SYT1: variants seen among roughly 807,000 people sequenced by gnomAD.
SYT1 encodes synaptotagmin-1.
In SYT1, 8 loss-of-function variants were observed where a neutral mutation model predicts 44.8. The ratio of observed to expected loss-of-function variants is 0.18; its 90% CI spans 0.10 to 0.32. SYT1 has a LOEUF of 0.32. Ranked by LOEUF, SYT1 falls within the 10% of genes least tolerant of loss-of-function variation. SYT1 has a pLI of 1.00. For missense variants in SYT1, 286 were observed against 509.3 expected (o/e 0.56, Z 4.22); for synonymous variants, 154 against 188.8 (o/e 0.82, Z 1.51).
At chr12:79,341,418 G>C (rs1438273147) in intron 8 of SYT1, 1 of 152,014 alleles carries the variant, frequency 6.6e-6, no homozygotes, top group Non-Finnish European at 1.5e-5. Context: ...CACTATCACA[G>C]ACATAGAAAA....
At chr12:79,151,802 A>G (rs1023518866) in intron 3 of SYT1, among the ~76,000 whole-genome samples, 11 of 152,212 alleles carry the variant, frequency 7.2e-5, no homozygotes, top group African/African-American at 2.7e-4. Flanking sequence ...GAGGAGATGT[A>G]ATATTATCAT....
chr12:79,306,849 T>C (rs1428704189), intron 8 of SYT1, among the ~76,000 whole-genome samples: 2 of 152,028 alleles, frequency 1.3e-5, no homozygotes, highest in Non-Finnish European at 2.9e-5. Flanking sequence ...AAAAGGAGAA[T>C]GAGAATAATG....
intron 3 of SYT1, among the ~76,000 whole-genome samples, chr12:79,183,007 T>C (rs1872625960): frequency 6.6e-6 from 1 of 152,088 alleles, no homozygotes; most frequent in Admixed American, 6.6e-5. Context: ...ACCAAATGTG[T>C]TATATTCTTT....
intron 3 of SYT1, among the ~76,000 whole-genome samples, chr12:79,071,514 C>T (rs1327453928): frequency 6.6e-6 from 1 of 152,162 alleles, no homozygotes; most frequent in African/African-American, 2.4e-5. Flanking sequence ...TAAATGCCTA[C>T]TATATTTGTT....
At chr12:79,055,831 T>G (rs1176712203) in intron 3 of SYT1, among the ~76,000 whole-genome samples, 1 of 152,022 alleles carries the variant, frequency 6.6e-6, no homozygotes, top group Non-Finnish European at 1.5e-5. Flanking sequence ...TCTTTCAAAT[T>G]TATTTATTTA....
rs183428296 is a variant in SYT1, at chr12:78,935,165, A to G, written c.-216-42634A>G. On this transcript the variant is annotated intron_variant, in intron 1 of 10. Coordinates refer to ENST00000261205, the MANE Select transcript of SYT1 (RefSeq NM_005639.3). ...CTTTGGACAGGTGGGCAACCATAGG[A>G]AGCAAGTAGGTGTCTGGAGATGGCT... Among the ~76,000 whole-genome samples the G allele has an allele frequency of 2.9e-4, 44 of 152,302 alleles. No individual in the cohort carries two copies. In the East Asian group the frequency reaches 7.5e-3, roughly 26 times the overall value.
chr12:79,117,736 G>T (rs1347558473), intron 3 of SYT1, among the ~76,000 whole-genome samples: 8 of 122,308 alleles, frequency 6.5e-5, no homozygotes, highest in African/African-American at 2.4e-4. Context: ...GTTGCATACA[G>T]AAGATTTTCA....
At chr12:79,123,110 C>T (rs1474290123) in intron 3 of SYT1, among the ~76,000 whole-genome samples, 2 of 152,158 alleles carry the variant, frequency 1.3e-5, no homozygotes, top group African/African-American at 4.8e-5. Context: ...AAGCTTCAAA[C>T]TAATTTACCA....
intron 3 of SYT1, among the ~76,000 whole-genome samples, chr12:79,196,175 G>GTTGTTGT (rs1555206196): frequency 4.7e-5 from 7 of 147,914 alleles, no homozygotes; most frequent in South Asian, 2.1e-4. Context: ...TGTTGTTGTT[G>GTTGTTGT]TTGTTGTTGT....
chr12:79,414,309 T>C (rs1047026205), intron 9 of SYT1, among the ~76,000 whole-genome samples: 2 of 152,108 alleles, frequency 1.3e-5, no homozygotes, highest in South Asian at 4.1e-4. Context: ...AGCCGGAGTA[T>C]GGGTGTGTAC....
At chr12:79,097,404 C>T (rs1878198157) in intron 3 of SYT1, among the ~76,000 whole-genome samples, 1 of 151,948 alleles carries the variant, frequency 6.6e-6, no homozygotes, top group Admixed American at 6.6e-5. Context: ...TATTGTCATC[C>T]TCTAAGATGC....
chr12:79,217,835 T>G, intron 4 of SYT1, 150 bp downstream of exon 4: 1 of 564,840 alleles, frequency 1.8e-6, no homozygotes, highest in East Asian at 3.7e-5. Context: ...TAAAATGAAA[T>G]ATTCTTGGAA....
At chr12:79,310,231 A>G (rs1281957510) in intron 8 of SYT1, among the ~76,000 whole-genome samples, 1 of 152,104 alleles carries the variant, frequency 6.6e-6, no homozygotes, top group Non-Finnish European at 1.5e-5. Context: ...AGCTTTCTAC[A>G]TATGGCTAGC....
intron 3 of SYT1, among the ~76,000 whole-genome samples, chr12:79,071,334 A>G (rs1262114192): frequency 6.6e-6 from 1 of 152,126 alleles, no homozygotes; most frequent in African/African-American, 2.4e-5. Context: ...TACAATAACA[A>G]ATGATATGGA....
At position 79,187,656 on chromosome 12, in the gene SYT1, G is replaced by C. The variant is rs1387078306; in HGVS notation, c.-17-29847G>C. Among the ~76,000 whole-genome samples, 2 of 152,222 alleles carry C rather than the reference G, an allele frequency of 1.3e-5. 1 individual carries two copies. The highest frequency in any genetic ancestry group is 6.8e-3 in the Middle Eastern group (2 of 294). On this transcript the variant is annotated intron_variant, in intron 3 of 10. Transcript: ENST00000261205. ...AGATAGCAGACGAGGCTTCATAAAA[G>C]ATTAGTAGGAGCCCTAGAAATAGCT...
At chr12:79,381,860 A>G (rs1267656012) in intron 9 of SYT1, among the ~76,000 whole-genome samples, 1 of 152,182 alleles carries the variant, frequency 6.6e-6, no homozygotes, top group Admixed American at 6.6e-5. Flanking sequence ...TTCTACTGAC[A>G]TGAACAGATA....
intron 5 of SYT1, among the ~76,000 whole-genome samples, chr12:79,289,750 C>A (rs932313605): frequency 1.3e-5 from 2 of 151,838 alleles, no homozygotes; most frequent in Non-Finnish European, 2.9e-5. Context: ...TTTTAAAAAC[C>A]AAAATCTTAT....
rs1871148822 is a variant in SYT1 at position 79,007,196 on chromosome 12, G to A, written c.-84+29265G>A. On this transcript the variant is annotated intron_variant, in intron 2 of 10. Coordinates refer to ENST00000261205, the MANE Select transcript of SYT1 (RefSeq NM_005639.3). ...AAAATTATGTGAGGGGAAATTATAT[G>A]ACTAAATATAGCAACTGTTTAAATT... Among the ~76,000 whole-genome samples the A allele has an allele frequency of 2.0e-5, 3 of 152,184 alleles. No individual in the cohort carries two copies. In the South Asian group the frequency reaches 6.2e-4, roughly 32 times the overall value.
At chr12:79,376,713 T>C (rs1456476197) in intron 9 of SYT1, among the ~76,000 whole-genome samples, 1 of 152,194 alleles carries the variant, frequency 6.6e-6, no homozygotes, top group Admixed American at 6.5e-5. Context: ...CTAGTTTACA[T>C]TGCAGTGAGC....
Sources: allele counts gnomAD v4.1 joint callset (sites outside exome capture counted in the v4.1 genomes callset), GRCh38; gene constraint gnomAD v4.1.1; transcripts MANE v1.5; gene names NCBI Gene and HGNC (gene_info 2026-07-23, HGNC 2026-07-21).